ASIC2: variants seen among roughly 807,000 people sequenced by gnomAD.
The protein encoded by ASIC2 is acid-sensing ion channel 2.
ASIC2 carries 25 observed loss-of-function variants against 57.3 expected under a neutral mutation model. The observed-to-expected ratio is 0.44, with a 90% CI of 0.32 to 0.61. The LOEUF is 0.61. Among genes scored for constraint, ASIC2 ranks in the 20% least tolerant of loss-of-function variants. ASIC2 has a pLI of 0.06. For missense variants in ASIC2, 641 were observed against 738.1 expected, an observed-to-expected ratio of 0.87 and a Z score of 1.52; for synonymous variants, 319 against 307.5, an observed-to-expected ratio of 1.04 and a Z score of -0.39.
At chr17:33,429,146 A>C (rs952238393) in intron 1 of ASIC2, among the ~76,000 whole-genome samples, 1 of 152,138 alleles carries the variant, frequency 6.6e-6, no homozygotes, top group Non-Finnish European at 1.5e-5. Context: ...ACCAACTTGC[A>C]TCTGTGGGGT....
intron 3 of ASIC2, among the ~76,000 whole-genome samples, chr17:33,043,677 T>G (rs1190893236): frequency 6.6e-6 from 1 of 152,188 alleles, no homozygotes; most frequent in East Asian, 1.9e-4. Flanking sequence ...CAGACAAAAC[T>G]TATTATGTAT....
chr17:33,166,909 A>C (rs1426571264), intron 1 of ASIC2, among the ~76,000 whole-genome samples: 1 of 152,248 alleles, frequency 6.6e-6, no homozygotes, highest in Non-Finnish European at 1.5e-5. Context: ...GCAGGATTTT[A>C]ACTTGTTCCA....
intron 2 of ASIC2, among the ~76,000 whole-genome samples, chr17:33,105,863 G>T (rs1304352144): frequency 6.6e-6 from 1 of 152,128 alleles, no homozygotes; most frequent in Non-Finnish European, 1.5e-5. Context: ...AGAGACTGGT[G>T]GTATTTTGTC....
intron 1 of ASIC2, among the ~76,000 whole-genome samples, chr17:33,949,418 G>C (rs73274595): frequency 0.015 from 2,351 of 152,204 alleles, 76 homozygotes; most frequent in African/African-American, 0.054. Flanking sequence ...CACCACACTG[G>C]ACACAGAAGA....
chr17:34,095,678 GAGAT>G lies in ASIC2; in HGVS notation c.555+60296_555+60299del, dbSNP rs573592047. Among the ~76,000 whole-genome samples, 142 of 123,312 alleles carry G rather than the reference GAGAT, an allele frequency of 1.2e-3. 2 individuals carry two copies. Among genetic ancestry groups the G allele is most frequent in the African/African-American group, 3.9e-3 (138 of 35,060 alleles). The allele number at this position is 123,312 out of a possible 152,430, so 80.9% of individuals were successfully genotyped here. A position where few individuals can be genotyped will look rare whatever the true frequency, so the allele number is the denominator to read the frequency against. ...ATAATTTTATATATATATAGAGAGA[GAGAT>G]ATATATAATTTTATATAGAGATATA... On this transcript the variant is annotated intron_variant, in intron 1 of 9. Coordinates refer to the ASIC2 transcript ENST00000359872.
intron 1 of ASIC2, among the ~76,000 whole-genome samples, chr17:33,769,461 G>T (rs986300478): frequency 6.6e-6 from 1 of 152,196 alleles, no homozygotes; most frequent in Non-Finnish European, 1.5e-5. Context: ...CAGCAAAGGG[G>T]CCGAGAAAAT....
intron 1 of ASIC2, among the ~76,000 whole-genome samples, chr17:33,416,045 T>C (rs1317582963): frequency 6.6e-6 from 1 of 152,202 alleles, no homozygotes; most frequent in Non-Finnish European, 1.5e-5. Flanking sequence ...ACCTCTGGGC[T>C]CAGTGCTCAT....
chr17:34,110,386 C>A (rs1043044071), intron 1 of ASIC2, among the ~76,000 whole-genome samples: 48 of 152,164 alleles, frequency 3.2e-4, no homozygotes, highest in African/African-American at 1.1e-3. Context: ...TCTGTGACTG[C>A]CCTAGGAAAC....
intron 1 of ASIC2, among the ~76,000 whole-genome samples, chr17:33,539,751 G>T (rs1322245822): frequency 6.6e-6 from 1 of 152,166 alleles, no homozygotes; most frequent in Non-Finnish European, 1.5e-5. Flanking sequence ...ACTGTGCCAG[G>T]TGCTGACCTT....
chr17:33,963,418 A>G (rs1354291866), intron 1 of ASIC2, among the ~76,000 whole-genome samples: 2 of 152,208 alleles, frequency 1.3e-5, no homozygotes, highest in Admixed American at 1.3e-4. Context: ...TGCTGATAAT[A>G]TGAAGCACAG....
intron 1 of ASIC2, among the ~76,000 whole-genome samples, chr17:33,357,148 G>A (rs1166280907): frequency 1.2e-5 from 1 of 82,878 alleles, no homozygotes; most frequent in African/African-American, 4.6e-5. Flanking sequence ...TGAGAACGGG[G>A]CCCTCTGGAG....
At chr17:33,786,328 G>T (rs746789227) in intron 1 of ASIC2, among the ~76,000 whole-genome samples, 1 of 152,100 alleles carries the variant, frequency 6.6e-6, no homozygotes, top group Admixed American at 6.6e-5. Context: ...AGCAGGTAGA[G>T]GAGTGGGAAG....
chr17:33,449,903 G>A (rs1394747390), intron 1 of ASIC2, among the ~76,000 whole-genome samples: 1 of 151,976 alleles, frequency 6.6e-6, no homozygotes, highest in Non-Finnish European at 1.5e-5. Context: ...CAAGTAGATA[G>A]GGTTACAGGC....
chr17:33,345,662 C>T (rs1324705819), intron 1 of ASIC2, among the ~76,000 whole-genome samples: 1 of 152,054 alleles, frequency 6.6e-6, no homozygotes, highest in East Asian at 1.9e-4. Context: ...AAGACAAACG[C>T]AAATGAAATT....
At position 33,898,110 on chromosome 17, in the gene ASIC2, C is replaced by A. The variant is rs12936814; in HGVS notation, c.555+257868G>T. Among the ~76,000 whole-genome samples, 6 of 151,928 alleles carry A rather than the reference C, an allele frequency of 3.9e-5. No individual in the cohort carries two copies. In the East Asian group the frequency reaches 9.7e-4, roughly 25 times the overall value. On this transcript the variant is annotated intron_variant, in intron 1 of 9. Coordinates refer to the ASIC2 transcript ENST00000359872. ...ACAATATTTAATCTCATTTTATCCC[C>A]AGGGGAGGTGCTCTGCCCATATTTC... is the stretch of plus-strand genomic sequence containing the variant.
chr17:33,406,370 C>G (rs895803755), intron 1 of ASIC2, among the ~76,000 whole-genome samples: 1 of 152,132 alleles, frequency 6.6e-6, no homozygotes, highest in Admixed American at 6.5e-5. Flanking sequence ...TCAATGTGGA[C>G]GGGGCATAAA....
At chr17:33,392,032 T>C (rs1213096660) in intron 1 of ASIC2, among the ~76,000 whole-genome samples, 1 of 152,230 alleles carries the variant, frequency 6.6e-6, no homozygotes, top group African/African-American at 2.4e-5. Context: ...GTCTTATTTC[T>C]GTTTCTGTTT....
intron 1 of ASIC2, among the ~76,000 whole-genome samples, chr17:33,156,207 A>G (rs1904997728): frequency 6.6e-6 from 1 of 151,362 alleles, no homozygotes; most frequent in Non-Finnish European, 1.5e-5. Context: ...GGCTCACTGC[A>G]ACCTCCGCCC....
chr17:33,628,306 T>G (rs1271148497), intron 1 of ASIC2, among the ~76,000 whole-genome samples: 3 of 151,830 alleles, frequency 2.0e-5, no homozygotes, highest in Non-Finnish European at 4.4e-5. Flanking sequence ...TTTTTTTTTT[T>G]GTTGAGACAG....
Sources: allele counts gnomAD v4.1 joint callset (sites outside exome capture counted in the v4.1 genomes callset), GRCh38; gene constraint gnomAD v4.1.1; transcripts MANE v1.5; gene names NCBI Gene and HGNC (gene_info 2026-07-23, HGNC 2026-07-21).